Variants in DPYSL5 observed in about 807,000 individuals in gnomAD.
DPYSL5 encodes the protein dihydropyrimidinase-related protein 5.
DPYSL5 carries 9 observed loss-of-function variants against 58.4 expected under a neutral mutation model. The observed-to-expected ratio is 0.15, with a 90% CI of 0.09 to 0.27. The LOEUF (loss-of-function observed/expected upper bound fraction) is 0.27, where lower values mean the gene tolerates loss of function less well. DPYSL5 is among the 10% of genes least tolerant of loss of function. The probability of loss-of-function intolerance (pLI) is 1.00; values close to 1 mark genes in which losing one functional copy is unlikely to be tolerated. For synonymous variants in DPYSL5, 293 were observed against 301.9 expected, an observed-to-expected ratio of 0.97 and a Z score of 0.31; for missense variants, 499 against 770.6, an observed-to-expected ratio of 0.65 and a Z score of 4.17.
chr2:26,935,242 C>T (rs1216689645), intron 8 of DPYSL5, among the ~76,000 whole-genome samples: 1 of 152,156 alleles, frequency 6.6e-6, no homozygotes, highest in Non-Finnish European at 1.5e-5. Context: ...TCTCCTTTCT[C>T]CAGCTCTTCT....
Position 26,931,696 on chromosome 2 carries a change from G to T in DPYSL5, c.714+12G>T. 6.2e-7 allele frequency: 1 copy of T among 1,613,664 alleles called. No homozygotes were observed. Among genetic ancestry groups the T allele is most frequent in the Non-Finnish European group, 8.5e-7 (1 of 1,179,812 alleles). ...CCATTGCAAACAGGGTAAGTCCCCC[G>T]ATGTCCACTGTGGGATTAGAAACCA... On this transcript the variant is annotated intron_variant, in intron 6 of 12. Coordinates refer to ENST00000288699, the MANE Select transcript of DPYSL5 (RefSeq NM_020134.4).
intron 1 of DPYSL5, among the ~76,000 whole-genome samples, chr2:26,885,602 T>C (rs1002927112): frequency 2.0e-5 from 3 of 152,076 alleles, no homozygotes; most frequent in Non-Finnish European, 4.4e-5. Flanking sequence ...ACTAGCCAAT[T>C]TGGTATGGAA....
At chr2:26,856,233 C>A (rs1313578267) in intron 1 of DPYSL5, among the ~76,000 whole-genome samples, 3 of 151,986 alleles carry the variant, frequency 2.0e-5, no homozygotes, top group Admixed American at 2.0e-4. Context: ...CTGCCTGATT[C>A]AAAATCTTAT....
intron 1 of DPYSL5, among the ~76,000 whole-genome samples, chr2:26,861,325 CAGA>C (rs933037961): frequency 2.0e-5 from 3 of 152,176 alleles, no homozygotes; most frequent in Non-Finnish European, 4.4e-5. Flanking sequence ...CTGTAGGACA[CAGA>C]AGATGAGAAG....
At chr2:26,895,703 A>G (rs2148134923) in intron 1 of DPYSL5, among the ~76,000 whole-genome samples, 1 of 148,544 alleles carries the variant, frequency 6.7e-6, no homozygotes, top group East Asian at 2.0e-4. Flanking sequence ...TTTCACCAAC[A>G]TTTCCCCAAC....
At chr2:26,937,258 A>G (rs1346654607) in intron 8 of DPYSL5, among the ~76,000 whole-genome samples, 1 of 152,136 alleles carries the variant, frequency 6.6e-6, no homozygotes, top group Non-Finnish European at 1.5e-5. Context: ...AATTATTTAA[A>G]TTAATTCTAT....
chr2:26,915,141 C>T (rs1194456346), intron 2 of DPYSL5, among the ~76,000 whole-genome samples: 2 of 152,136 alleles, frequency 1.3e-5, no homozygotes, highest in African/African-American at 4.8e-5. Context: ...CTCTGTGCAC[C>T]TCCCTACTGG....
At chr2:26,908,528 T>C (rs1017539938) in intron 2 of DPYSL5, among the ~76,000 whole-genome samples, 12 of 152,232 alleles carry the variant, frequency 7.9e-5, no homozygotes, top group Admixed American at 2.6e-4. Context: ...TTCTTAGAAC[T>C]GATGTGAATG....
intron 1 of DPYSL5, among the ~76,000 whole-genome samples, chr2:26,880,863 TC>T (rs1663543141): frequency 6.6e-6 from 1 of 152,090 alleles, no homozygotes; most frequent in South Asian, 2.1e-4. Context: ...ATTGAATGAG[TC>T]CCCTCTATGT....
chr2:26,932,052 A>G (rs1349347542), intron 6 of DPYSL5, among the ~76,000 whole-genome samples: 3 of 21,026 alleles, frequency 1.4e-4, no homozygotes, highest in African/African-American at 4.8e-4. Context: ...AAGAAAGGAA[A>G]GAAAGAAAGA....
In DPYSL5 at chr2:26,948,073, C is replaced by CCACA. The variant is rs67138052; in HGVS notation, c.*1112_*1115dup. ...TGCCTTCCCCTGTCTTCACCTGCCA[C>CCACA]CACACACACACACACACACACACAC... On this transcript the variant is annotated 3_prime_UTR_variant, in exon 13 of 13. Coordinates refer to ENST00000288699, the MANE Select transcript of DPYSL5 (RefSeq NM_020134.4). 5,819 of 143,608 alleles carry CCACA rather than the reference C, an allele frequency of 0.041. 154 individuals are homozygous for CCACA. Among genetic ancestry groups the CCACA allele is most frequent in the African/African-American group, 0.061 (2,284 of 37,356 alleles). 8.9% of individuals were successfully genotyped at this position (143,608 alleles called of 1,614,324 possible).
chr2:26,932,207 GAAAAGAAA>G (rs1406203118), intron 6 of DPYSL5, among the ~76,000 whole-genome samples: 5 of 35,886 alleles, frequency 1.4e-4, no homozygotes, highest in Non-Finnish European at 3.3e-4. Flanking sequence ...AAGAAAGAAA[GAAAAGAAA>G]GAAAGAAAGA....
At chr2:26,893,899 G>A (rs763602268) in intron 1 of DPYSL5, among the ~76,000 whole-genome samples, 14 of 152,004 alleles carry the variant, frequency 9.2e-5, no homozygotes, top group Admixed American at 3.3e-4. Context: ...CTGCAATGGC[G>A]TAATCTCCTT....
At position 26,948,093 on chromosome 2, in the gene DPYSL5, A is replaced by ACACACACG. The variant is rs1553323429; in HGVS notation, c.*1105_*1106insGCACACAC. ...TGCCACCACACACACACACACACAC[A>ACACACACG]CACACACACACACACACGCACGGCT... is the stretch of plus-strand genomic sequence containing the variant. On this transcript the variant is annotated 3_prime_UTR_variant, in exon 13 of 13. Coordinates refer to ENST00000288699, the MANE Select transcript of DPYSL5 (RefSeq NM_020134.4). 3 of 154,904 alleles carry ACACACACG rather than the reference A, an allele frequency of 1.9e-5. No homozygotes were observed. The highest frequency in any genetic ancestry group is 7.3e-5 in the African/African-American group (3 of 40,976). The allele number at this position is 154,904 out of a possible 1,614,324, so 9.6% of individuals were successfully genotyped here.
Position 26,933,539 on chromosome 2 carries a change from A to C in DPYSL5, c.790+206A>C, listed in dbSNP as rs560995624. ...CTAGAACATGAGCTTTTTCTTCTGC[A>C]AATTTGTATGCATAACAGCTTTACG... On this transcript the variant is annotated intron_variant, in intron 7 of 12. Coordinates refer to ENST00000288699, the MANE Select transcript of DPYSL5 (RefSeq NM_020134.4). This position sits in a 1 kb window ranked among gnomAD's most constrained non-coding sequence, Gnocchi z 4.2. 3.3e-5 allele frequency among the ~76,000 whole-genome samples: 5 copies of C among 152,320 alleles called. No individual in the cohort carries two copies. In the South Asian group the frequency reaches 1.0e-3, roughly 32 times the overall value.
chr2:26,876,219 G>A (rs999280362), intron 1 of DPYSL5, among the ~76,000 whole-genome samples: 2 of 152,220 alleles, frequency 1.3e-5, no homozygotes, highest in African/African-American at 4.8e-5. Context: ...AGAAGATGCT[G>A]CCTTGTCCAG....
intron 2 of DPYSL5, among the ~76,000 whole-genome samples, chr2:26,917,740 A>C (rs1271506809): frequency 3.3e-5 from 5 of 152,204 alleles, no homozygotes; most frequent in African/African-American, 1.2e-4. Context: ...TGATGGCTGG[A>C]CTGGCCACAT....
At chr2:26,876,282 G>A (rs1464517558) in intron 1 of DPYSL5, among the ~76,000 whole-genome samples, 1 of 152,182 alleles carries the variant, frequency 6.6e-6, no homozygotes, top group Non-Finnish European at 1.5e-5. Context: ...CCTCCTGGAG[G>A]TAGCCCCATC....
chr2:26,933,137 G>A lies in DPYSL5; in HGVS notation c.715-121G>A. On this transcript the variant is annotated intron_variant, in intron 6 of 12. Transcript: ENST00000288699. This position sits in a 1 kb window ranked among gnomAD's most constrained non-coding sequence, Gnocchi z 4.2. Reference sequence around the variant, plus strand: ...TCCGCTTAAGGACTGTCACCTTGAGGGTGGGGTTGAGTGACGCAGGGGGAG... The same window carrying A: ...TCCGCTTAAGGACTGTCACCTTGAGAGTGGGGTTGAGTGACGCAGGGGGAG... The A allele has an allele frequency of 1.2e-6, 1 of 841,052 alleles. No homozygotes were observed. The highest frequency in any genetic ancestry group is 2.0e-6 in the Non-Finnish European group (1 of 487,962). 52.1% of individuals were successfully genotyped at this position (841,052 alleles called of 1,614,324 possible).
Sources: allele counts gnomAD v4.1 joint callset (sites outside exome capture counted in the v4.1 genomes callset), GRCh38; gene constraint gnomAD v4.1.1; non-coding constraint Gnocchi (gnomAD v3.1); transcripts MANE v1.5; gene names NCBI Gene and HGNC (gene_info 2026-07-23, HGNC 2026-07-21).